IRAK1BP1: variants seen among roughly 807,000 people sequenced by gnomAD.
The protein encoded by IRAK1BP1 is interleukin 1 receptor associated kinase 1 binding protein 1.
Under a neutral mutation model 28.0 loss-of-function variants are expected in IRAK1BP1, and 24 were observed. The ratio of observed to expected loss-of-function variants is 0.86; its 90% CI spans 0.62 to 1.20. The LOEUF (loss-of-function observed/expected upper bound fraction) is 1.20, where lower values mean the gene tolerates loss of function less well. IRAK1BP1 is among the 50% of genes most tolerant of loss of function. IRAK1BP1 has a pLI of 0.00. For synonymous variants in IRAK1BP1, 131 were observed against 116.3 expected, an observed-to-expected ratio of 1.13 and a Z score of -0.81; for missense variants, 336 against 316.7, an observed-to-expected ratio of 1.06 and a Z score of -0.46.
At chr6:78,882,853 T>C (rs1771279866) in intron 1 of IRAK1BP1, among the ~76,000 whole-genome samples, 1 of 152,220 alleles carries the variant, frequency 6.6e-6, no homozygotes, top group South Asian at 2.1e-4. Flanking sequence ...TAGACAGATG[T>C]ACTATAATAT....
chr6:78,968,375 C>G, the IRAK1BP1 span, among the ~76,000 whole-genome samples: 1 of 152,130 alleles, frequency 6.6e-6, no homozygotes, highest in African/African-American at 2.4e-5. Context: ...TTCCAATAAA[C>G]AGATTTGGCC....
chr6:78,886,796 G>A (rs1228167987), intron 2 of IRAK1BP1, among the ~76,000 whole-genome samples: 1 of 152,186 alleles, frequency 6.6e-6, no homozygotes, highest in Non-Finnish European at 1.5e-5. Flanking sequence ...CATTAGAGCT[G>A]CTTGTTTTAA....
intron 1 of IRAK1BP1, among the ~76,000 whole-genome samples, chr6:78,868,423 T>C (rs1770668602): frequency 6.6e-6 from 1 of 152,244 alleles, no homozygotes; most frequent in Non-Finnish European, 1.5e-5. Context: ...TTTCATTTTA[T>C]AATGATTTTC....
Position 78,926,364 on chromosome 6 carries a change from C to T in IRAK1BP1, c.*68-19044C>T, listed in dbSNP as rs190913318. Among the ~76,000 whole-genome samples the T allele has an allele frequency of 3.3e-3, 502 of 152,182 alleles. 4 individuals are homozygous for T. The highest frequency in any genetic ancestry group is 0.011 in the African/African-American group (474 of 41,526). The stretch of plus-strand genomic sequence containing the variant: ...ATCATTCTACTAAAAGACACATGCA[C>T]TTGTATTTTCATCACGGCACTGTTT... On this transcript the variant is annotated intron_variant and NMD_transcript_variant, in intron 4 of 4. Transcript: ENST00000606868.
At position 78,898,156 on chromosome 6, in the gene IRAK1BP1, TA is replaced by T. The variant is rs1446357820; in HGVS notation, c.607del (p.Ile203SerfsTer13). 1 of 1,613,776 alleles carries T rather than the reference TA, an allele frequency of 6.2e-7. No homozygotes were observed. On this transcript the variant is annotated frameshift_variant, in exon 4 of 4. Transcript: ENST00000369940. LOFTEE classifies it high-confidence loss of function. ...LVGQTLGKPL[L>X]IKEEETKEWE... ...GGCCAAACCTTAGGAAAACCTTTAC[TA>T]ATCAAAGAAGAAGAAACAAAAGAAT...
chr6:78,953,749 C>A, the IRAK1BP1 span, among the ~76,000 whole-genome samples: 1 of 152,064 alleles, frequency 6.6e-6, no homozygotes, highest in African/African-American at 2.4e-5. Context: ...ATTAGCCCGG[C>A]TAATTTTTGT....
At chr6:78,955,164 A>G in the IRAK1BP1 span, 4 of 1,134,308 alleles carry the variant, frequency 3.5e-6, no homozygotes, top group Non-Finnish European at 5.1e-6. Context: ...AGAGTAAAAA[A>G]ATAAAGAAAG....
chr6:78,974,409 C>A, the IRAK1BP1 span, among the ~76,000 whole-genome samples: 3 of 151,430 alleles, frequency 2.0e-5, no homozygotes, highest in African/African-American at 7.3e-5. Context: ...CACTAAATGC[C>A]CACAAGAGTA....
chr6:78,946,883 G>GAAA, downstream of IRAK1BP1: 2 of 1,310,630 alleles, frequency 1.5e-6, no homozygotes, highest in South Asian at 1.5e-5. Flanking sequence ...ATCTGTGAGG[G>GAAA]AAAAAAAAAA....
chr6:78,869,098 A>G (rs1286993366), intron 1 of IRAK1BP1, among the ~76,000 whole-genome samples: 1 of 152,266 alleles, frequency 6.6e-6, no homozygotes. Flanking sequence ...TAATGTGAGT[A>G]AAGTGGGTTT....
intron 2 of IRAK1BP1, among the ~76,000 whole-genome samples, chr6:78,894,944 AC>A (rs1771826366): frequency 6.6e-6 from 1 of 152,014 alleles, no homozygotes. Context: ...CCCCGTCTCT[AC>A]AAAAATACAA....
chr6:78,965,111 T>C, the IRAK1BP1 span, among the ~76,000 whole-genome samples: 1 of 152,220 alleles, frequency 6.6e-6, no homozygotes, highest in Non-Finnish European at 1.5e-5. Flanking sequence ...ATGACAGTTA[T>C]ATTATCATTA....
At chr6:78,871,738 G>A in intron 1 of IRAK1BP1, 1 of 207,772 alleles carries the variant, frequency 4.8e-6, no homozygotes, top group Non-Finnish European at 9.4e-6. Flanking sequence ...CCAGGAAGTG[G>A]CAGAATTTTA....
At chr6:78,911,600 G>A (rs1402269914) in intron 4 of IRAK1BP1, among the ~76,000 whole-genome samples, 1 of 152,196 alleles carries the variant, frequency 6.6e-6, no homozygotes, top group Non-Finnish European at 1.5e-5. Context: ...CACCTCAGCT[G>A]AATTAGATGA....
intron 4 of IRAK1BP1, among the ~76,000 whole-genome samples, chr6:78,916,942 T>TA (rs905109587): frequency 1.0e-4 from 15 of 149,138 alleles, no homozygotes; most frequent in East Asian, 5.9e-4. Flanking sequence ...AGACTCCACC[T>TA]AAAAAAAAAA....
chr6:78,884,980 C>T (rs140929311), intron 1 of IRAK1BP1, among the ~76,000 whole-genome samples: 60 of 152,118 alleles, frequency 3.9e-4, no homozygotes, highest in African/African-American at 1.4e-3. Context: ...GTGCAGGTGA[C>T]ACCTACAGGA....
chr6:78,968,520 A>G, the IRAK1BP1 span, among the ~76,000 whole-genome samples: 1 of 152,202 alleles, frequency 6.6e-6, no homozygotes, highest in African/African-American at 2.4e-5. Flanking sequence ...TCTGGAACCT[A>G]TGTATGCAAA....
chr6:78,962,307 C>T, the IRAK1BP1 span, among the ~76,000 whole-genome samples: 21 of 152,090 alleles, frequency 1.4e-4, no homozygotes, highest in South Asian at 6.2e-4. Flanking sequence ...CAATACACAC[C>T]GTAAAGTTGT....
At chr6:78,886,627 T>C (rs1771441982) in intron 2 of IRAK1BP1, among the ~76,000 whole-genome samples, 2 of 152,122 alleles carry the variant, frequency 1.3e-5, no homozygotes, top group Non-Finnish European at 2.9e-5. Context: ...TGGAAGCAAG[T>C]TATCTTAGTT....
Sources: allele counts gnomAD v4.1 joint callset (sites outside exome capture counted in the v4.1 genomes callset), GRCh38; gene constraint gnomAD v4.1.1; transcripts MANE v1.5; gene names NCBI Gene and HGNC (gene_info 2026-07-23, HGNC 2026-07-21).